DRC7: variants seen among roughly 807,000 people sequenced by gnomAD.
DRC7 encodes coiled-coil domain containing 135.
Under a neutral mutation model 104.4 loss-of-function variants are expected in DRC7, and 80 were observed. That is an observed-to-expected ratio of 0.77 (90% CI 0.64 to 0.92). The LOEUF (loss-of-function observed/expected upper bound fraction) is 0.92, where lower values mean the gene tolerates loss of function less well. Among genes scored for constraint, DRC7 ranks in the 40% least tolerant of loss-of-function variants. DRC7 has a pLI of 0.00. For synonymous variants in DRC7, 405 were observed against 447.3 expected, an observed-to-expected ratio of 0.91 and a Z score of 1.19; for missense variants, 1,034 against 1,141.1, an observed-to-expected ratio of 0.91 and a Z score of 1.35.
chr16:57,707,258 ACT>A lies in DRC7; in HGVS notation c.859-198_859-197del, dbSNP rs374619602. Among the ~76,000 whole-genome samples the A allele has an allele frequency of 1.6e-4, 24 of 152,030 alleles. No individual in the cohort carries two copies. In the South Asian group the frequency reaches 3.9e-3, roughly 25 times the overall value. On this transcript the variant is annotated intron_variant, in intron 7 of 18. Coordinates refer to ENST00000360716, the MANE Select transcript of DRC7 (RefSeq NM_001289162.2). The stretch of plus-strand genomic sequence containing the variant: ...ATTTGTAAACCACAGATCTAGTCAG[ACT>A]CTCCCATTGTTTTGATTTTACAAAT...
chr16:57,708,779 C>G (rs1321829705), intron 8 of DRC7, among the ~76,000 whole-genome samples: 2 of 152,242 alleles, frequency 1.3e-5, no homozygotes, highest in East Asian at 3.9e-4. Flanking sequence ...CTTTCTTTTC[C>G]ATTTTAGCTA....
intron 2 of DRC7, 81 bp downstream of exon 2, chr16:57,696,675 C>G (rs536292886): frequency 6.6e-6 from 1 of 152,230 alleles, no homozygotes; most frequent in South Asian, 2.1e-4. Flanking sequence ...GGCGTCTCTG[C>G]GTGGATCACA....
rs1407785253 is a variant in DRC7 at position 57,722,844 on chromosome 16, A to C, written c.1408+3A>C. On this transcript the variant is annotated splice_donor_region_variant and intron_variant, in intron 11 of 18. Transcript: ENST00000360716. ...CACCACCTATGAGGACTTGCAGTGT[A>C]AGGGGGATTGCTCTGGACATGGGTC... The C allele has an allele frequency of 1.2e-6, 2 of 1,613,548 alleles. No individual in the cohort carries two copies. The highest frequency in any genetic ancestry group is 1.7e-6 in the Non-Finnish European group (2 of 1,179,984).
chr16:57,701,825 C>A lies in DRC7; in HGVS notation c.505-111C>A, dbSNP rs376621554. On this transcript the variant is annotated intron_variant, in intron 5 of 18. Coordinates refer to ENST00000360716, the MANE Select transcript of DRC7 (RefSeq NM_001289162.2). Reference sequence around the variant, plus strand: ...GTTAGGGGCCCAAAGCAGGTCCAGCCTGTGCATTGGTCCTGGCTCCCCACC... The same window carrying A: ...GTTAGGGGCCCAAAGCAGGTCCAGCATGTGCATTGGTCCTGGCTCCCCACC... The A allele has an allele frequency of 3.6e-5, 32 of 896,878 alleles. No individual in the cohort carries two copies. In the African/African-American group the frequency reaches 5.1e-4, roughly 14 times the overall value. The allele number at this position is 896,878 out of a possible 1,614,324, so 55.6% of individuals were successfully genotyped here. A position where few individuals can be genotyped will look rare whatever the true frequency, so the allele number is the denominator to read the frequency against.
intron 8 of DRC7, among the ~76,000 whole-genome samples, chr16:57,717,224 C>T (rs2148758587): frequency 6.7e-6 from 1 of 149,458 alleles, no homozygotes; most frequent in Admixed American, 6.7e-5. Flanking sequence ...AAATTCCCAC[C>T]CACCTGCTGT....
chr16:57,709,486 C>A (rs76670334), intron 8 of DRC7, among the ~76,000 whole-genome samples: 3 of 151,694 alleles, frequency 2.0e-5, no homozygotes, highest in African/African-American at 7.3e-5. Flanking sequence ...AGCTAGCTAC[C>A]CTTTATTTAA....
intron 9 of DRC7, among the ~76,000 whole-genome samples, chr16:57,720,457 G>A (rs1458090590): frequency 6.6e-6 from 1 of 152,228 alleles, no homozygotes; most frequent in Non-Finnish European, 1.5e-5. Context: ...GCTGGCCTTG[G>A]GGCATGGACC....
At chr16:57,727,674 C>T (rs1399806042) in intron 16 of DRC7, among the ~76,000 whole-genome samples, 4 of 152,190 alleles carry the variant, frequency 2.6e-5, no homozygotes, top group African/African-American at 9.7e-5. Flanking sequence ...AATTATGTGC[C>T]CACCTCTACT....
At chr16:57,716,041 C>A (rs1477383273) in intron 8 of DRC7, among the ~76,000 whole-genome samples, 1 of 152,224 alleles carries the variant, frequency 6.6e-6, no homozygotes, top group Non-Finnish European at 1.5e-5. Flanking sequence ...GGCAAGGCAT[C>A]CACAGAGTGA....
At chr16:57,722,881 A>C in intron 11 of DRC7, 40 bp downstream of exon 11, 1 of 1,612,748 alleles carries the variant, frequency 6.2e-7, no homozygotes, top group Non-Finnish European at 8.5e-7. Flanking sequence ...AGGCCAGCCC[A>C]GGGGCGGGGG....
chr16:57,728,185 T>C (rs377042144), intron 16 of DRC7, among the ~76,000 whole-genome samples: 220 of 152,148 alleles, frequency 1.4e-3, no homozygotes, highest in African/African-American at 5.0e-3. Flanking sequence ...TACAAATTCA[T>C]GTAAGAAAAA....
At position 57,718,436 on chromosome 16, in the gene DRC7, C is replaced by G; in HGVS notation, c.1167C>G (p.Asp389Glu). The G allele has an allele frequency of 6.2e-7, 1 of 1,614,026 alleles. No homozygotes were observed. Among genetic ancestry groups the G allele is most frequent in the South Asian group, 1.1e-5 (1 of 91,080 alleles). ...DKSQLSLTEE[D>E]DSGINDEDDV... ...CTCAGCTGTCCTTGACTGAAGAAGA[C>G]GACAGTGGGATAAACGATGAGGATG... The change falls in exon 9 of 19, where the codon GAC (aspartate) becomes GAG (glutamate). Residue 389 changes from aspartate to glutamate, a missense_variant. Physicochemically the swap from Asp to Glu is conservative, Grantham distance 45. Transcript: ENST00000360716.
At chr16:57,703,440 C>T (rs2048680250) in intron 6 of DRC7, among the ~76,000 whole-genome samples, 1 of 152,228 alleles carries the variant, frequency 6.6e-6, no homozygotes, top group African/African-American at 2.4e-5. Flanking sequence ...CAGGGTCAGG[C>T]TCCTGTGGGT....
chr16:57,731,467 C>A lies in DRC7; in HGVS notation c.*209C>A, dbSNP rs974773924. 2 of 581,310 alleles carry A rather than the reference C, an allele frequency of 3.4e-6. No individual in the cohort carries two copies. Among genetic ancestry groups the A allele is most frequent in the Non-Finnish European group, 6.1e-6 (2 of 327,210 alleles). 36.0% of individuals were successfully genotyped at this position (581,310 alleles called of 1,614,324 possible). A position where few individuals can be genotyped will look rare whatever the true frequency, so the allele number is the denominator to read the frequency against. ...CTCTTAATTTGCCATTTGTGCCTTG[C>A]GCTTCACAAGCTCCAGCAGCAGCCT... is the stretch of plus-strand genomic sequence containing the variant. On this transcript the variant is annotated 3_prime_UTR_variant, in exon 19 of 19. Transcript: ENST00000360716.
chr16:57,701,734 G>A (rs2048660324), intron 5 of DRC7: 4 of 566,918 alleles, frequency 7.1e-6, no homozygotes, highest in East Asian at 5.8e-5. Flanking sequence ...CAAATGACAG[G>A]CAAATGTGAA....
At chr16:57,730,359 G>A (rs550277816) in intron 17 of DRC7, among the ~76,000 whole-genome samples, 4 of 151,138 alleles carry the variant, frequency 2.6e-5, no homozygotes, top group African/African-American at 9.7e-5. Context: ...TTGGATGGGC[G>A]AGTGGATAGA....
intron 8 of DRC7, among the ~76,000 whole-genome samples, chr16:57,715,798 C>T (rs1275934057): frequency 2.6e-5 from 4 of 152,160 alleles, no homozygotes; most frequent in Admixed American, 6.5e-5. Flanking sequence ...GGATAACAGC[C>T]CTTCAGAGGA....
chr16:57,706,342 C>T (rs1309547434), intron 7 of DRC7, among the ~76,000 whole-genome samples: 1 of 143,262 alleles, frequency 7.0e-6, no homozygotes, highest in Non-Finnish European at 1.5e-5. Flanking sequence ...CATTTCTCCT[C>T]CAACCCATCC....
chr16:57,697,508 C>T (rs1441013986), intron 2 of DRC7, among the ~76,000 whole-genome samples: 3 of 151,722 alleles, frequency 2.0e-5, no homozygotes, highest in East Asian at 3.9e-4. Context: ...TTTGAAGCTG[C>T]GGTGAGCCAT....
Sources: allele counts gnomAD v4.1 joint callset (sites outside exome capture counted in the v4.1 genomes callset), GRCh38; gene constraint gnomAD v4.1.1; transcripts MANE v1.5; gene names NCBI Gene and HGNC (gene_info 2026-07-23, HGNC 2026-07-21).